The following PATJ variants were observed in gnomAD, a reference collection of about 807,000 sequenced individuals.
PATJ encodes PATJ crumbs cell polarity complex component, also known as inaD-like protein.
Under a neutral mutation model 224.9 loss-of-function variants are expected in PATJ, and 190 were observed. That is an observed-to-expected ratio of 0.84 (90% CI 0.75 to 0.95). The LOEUF is 0.95. Ranked by LOEUF, PATJ falls within the 40% of genes least tolerant of loss-of-function variation. The pLI is 0.00. For synonymous variants in PATJ, 769 were observed against 820.3 expected (o/e 0.94, Z 1.07); for missense variants, 2,121 against 2,270.3 (o/e 0.93, Z 1.34).
At chr1:61,821,228 G>T (rs1159734177) in intron 14 of PATJ, among the ~76,000 whole-genome samples, 2 of 151,978 alleles carry the variant, frequency 1.3e-5, no homozygotes, top group Admixed American at 1.3e-4. Context: ...TGTATTTTTA[G>T]TAGAGACAGG....
At chr1:62,131,300 T>C (rs1235935345) in intron 41 of PATJ, among the ~76,000 whole-genome samples, 2 of 152,124 alleles carry the variant, frequency 1.3e-5, no homozygotes, top group Non-Finnish European at 2.9e-5. Flanking sequence ...TGCTGACCCC[T>C]AGAGGCAGTA....
intron 27 of PATJ, among the ~76,000 whole-genome samples, chr1:61,944,545 G>C (rs945131345): frequency 6.6e-6 from 1 of 152,130 alleles, no homozygotes; most frequent in Non-Finnish European, 1.5e-5. Context: ...ACAAAGAAAC[G>C]AATAAAGTCT....
At chr1:61,976,595 A>G (rs1286488171) in intron 27 of PATJ, among the ~76,000 whole-genome samples, 1 of 151,912 alleles carries the variant, frequency 6.6e-6, no homozygotes, top group Non-Finnish European at 1.5e-5. Flanking sequence ...TTTAGTAGAC[A>G]TGGGGTGTCT....
At position 61,771,477 on chromosome 1, in the gene PATJ, A is replaced by C; in HGVS notation, c.571A>C (p.Thr191Pro). The C allele has an allele frequency of 6.2e-7, 1 of 1,609,312 alleles. No homozygotes were observed. The highest frequency in any genetic ancestry group is 8.5e-7 in the Non-Finnish European group (1 of 1,178,454). Residue 191 changes from threonine to proline, a missense_variant, in exon 6 of 44, where the codon ACG becomes CCG. Physicochemically the swap from Thr to Pro is conservative, Grantham distance 38. Coordinates refer to ENST00000642238, the MANE Select transcript of PATJ (RefSeq NM_001350145.3). ...ENDQILAINHTPLDQNISHQQ... is the reference protein window; with the variant it reads ...ENDQILAINHPPLDQNISHQQ... ...TGATCAAATATTGGCCATTAATCACACGCCATTGGATCAGAACATTTCCCA... is the reference window on the plus strand; with the variant it reads ...TGATCAAATATTGGCCATTAATCACCCGCCATTGGATCAGAACATTTCCCA...
chr1:61,922,377 G>C (rs1184512407), intron 26 of PATJ, among the ~76,000 whole-genome samples: 2 of 152,066 alleles, frequency 1.3e-5, no homozygotes, highest in Non-Finnish European at 2.9e-5. Flanking sequence ...TTGGGGACAA[G>C]ACATGGAAAC....
At chr1:61,780,422 G>T (rs1441446835) in intron 7 of PATJ, among the ~76,000 whole-genome samples, 1 of 152,076 alleles carries the variant, frequency 6.6e-6, no homozygotes, top group Admixed American at 6.6e-5. Flanking sequence ...CCAAGATCAC[G>T]CCACAGCACT....
chr1:61,990,203 G>A lies in PATJ; in HGVS notation c.3706G>A (p.Glu1236Lys). 2 of 1,611,842 alleles carry A rather than the reference G, an allele frequency of 1.2e-6. No homozygotes were observed. Among genetic ancestry groups the A allele is most frequent in the Non-Finnish European group, 1.7e-6 (2 of 1,179,444 alleles). Reference sequence around the variant, plus strand: ...ACAAAGATATGCAGATCTGCCTGGAGAACTGCACATTATTGAACTTGAAAA... The same window carrying A: ...ACAAAGATATGCAGATCTGCCTGGAAAACTGCACATTATTGAACTTGAAAA... ...IRQRYADLPG[E>K]LHIIELEKDK... Residue 1236 changes from glutamate (E) to lysine (K), a missense_variant, in exon 28 of 44, where the codon GAA becomes AAA. Glu to Lys is a moderately conservative substitution (Grantham distance 56). Coordinates refer to ENST00000642238, the MANE Select transcript of PATJ (RefSeq NM_001350145.3).
chr1:61,768,313 C>T (rs1021907096), intron 4 of PATJ, among the ~76,000 whole-genome samples: 1 of 151,524 alleles, frequency 6.6e-6, no homozygotes, highest in African/African-American at 2.4e-5. Context: ...ACTAAAAATA[C>T]AAAAAAATTA....
chr1:61,844,660 C>T (rs925650350), intron 17 of PATJ, among the ~76,000 whole-genome samples: 4 of 152,036 alleles, frequency 2.6e-5, no homozygotes, highest in Non-Finnish European at 2.9e-5. Flanking sequence ...ATAGGTGATA[C>T]GGTTTGCCTC....
intron 29 of PATJ, among the ~76,000 whole-genome samples, chr1:62,035,259 G>A (rs1440858123): frequency 3.3e-5 from 5 of 152,138 alleles, no homozygotes; most frequent in Non-Finnish European, 7.4e-5. Context: ...AAAAACAGAT[G>A]CGCTTGATAC....
At chr1:61,934,211 C>T (rs11582438) in intron 27 of PATJ, among the ~76,000 whole-genome samples, 15,699 of 152,214 alleles carry the variant, frequency 0.1, 1,089 homozygotes, top group Middle Eastern at 0.18. Context: ...CTCTGCCTCC[C>T]GGGTTCAAGT....
intron 41 of PATJ, among the ~76,000 whole-genome samples, chr1:62,136,646 TGC>T (rs1356744709): frequency 1.3e-4 from 11 of 83,280 alleles, no homozygotes; most frequent in Non-Finnish European, 1.2e-4. Context: ...TTTTATGTTT[TGC>T]GTGTGTGTGT....
At chr1:62,074,827 G>T (rs1029184896) in intron 31 of PATJ, among the ~76,000 whole-genome samples, 1 of 152,096 alleles carries the variant, frequency 6.6e-6, no homozygotes, top group Admixed American at 6.6e-5. Context: ...AGCCAGGCGT[G>T]GTGGCAGCTG....
At chr1:61,748,541 C>G (rs536097413) in intron 1 of PATJ, among the ~76,000 whole-genome samples, 2 of 152,196 alleles carry the variant, frequency 1.3e-5, no homozygotes, top group South Asian at 4.2e-4. Context: ...CAGGCGTGAG[C>G]CACTGCGCCT....
intron 27 of PATJ, chr1:61,952,361 A>T (rs1571472745): frequency 2.8e-6 from 2 of 715,094 alleles, no homozygotes; most frequent in East Asian, 5.4e-5. Context: ...ATTTGTCAGG[A>T]ATGCAGATAC....
In PATJ at chr1:61,980,719, C is replaced by G. The variant is rs183124230; in HGVS notation, c.3671-9449C>G. On this transcript the variant is annotated intron_variant, in intron 27 of 43. Coordinates refer to ENST00000642238, the MANE Select transcript of PATJ (RefSeq NM_001350145.3). ...GCTGTGGCAACGACTCCCAGCAGCC[C>G]TTAGAGCAAATGCCAGGCCATGCGG... is the stretch of plus-strand genomic sequence containing the variant. Among the ~76,000 whole-genome samples the G allele has an allele frequency of 1.3e-5, 2 of 152,178 alleles. 1 individual carries two copies. Among genetic ancestry groups the G allele is most frequent in the African/African-American group, 4.8e-5 (2 of 41,428 alleles).
intron 31 of PATJ, among the ~76,000 whole-genome samples, chr1:62,051,771 G>T (rs185254005): frequency 6.6e-6 from 1 of 152,324 alleles, no homozygotes; most frequent in East Asian, 1.9e-4. Flanking sequence ...CCAGGGGCTA[G>T]GGCATTAGAA....
chr1:62,123,087 T>C, intron 39 of PATJ, 29 bp downstream of exon 39: 1 of 1,561,038 alleles, frequency 6.4e-7, no homozygotes, highest in South Asian at 1.1e-5. Flanking sequence ...TGTATGTATT[T>C]TTCTGGTTTG....
intron 31 of PATJ, among the ~76,000 whole-genome samples, chr1:62,061,078 T>C (rs1194394013): frequency 6.6e-6 from 1 of 152,130 alleles, no homozygotes; most frequent in Non-Finnish European, 1.5e-5. Flanking sequence ...GGGATATGAT[T>C]GAACCTCTGT....
Sources: gnomAD v4.1 joint callset for allele counts (sites outside exome capture counted in the v4.1 genomes callset) on GRCh38, gnomAD v4.1.1 for gene constraint, MANE v1.5 for transcripts, NCBI Gene and HGNC (gene_info 2026-07-23, HGNC 2026-07-21) for gene names.